AGBL1: variants seen among roughly 807,000 people sequenced by gnomAD.
AGBL1 encodes AGBL carboxypeptidase 1, also known as cytosolic carboxypeptidase 4.
In AGBL1, 130 loss-of-function variants were observed where a neutral mutation model predicts 118.9. The ratio of observed to expected loss-of-function variants is 1.09; its 90% CI spans 0.95 to 1.26. The LOEUF (loss-of-function observed/expected upper bound fraction) is 1.26. AGBL1 is among the 50% of genes most tolerant of loss of function. The pLI, the probability that AGBL1 is intolerant of heterozygous loss-of-function variation, is 0.00. For missense variants in AGBL1, 1,584 were observed against 1,298.1 expected (o/e 1.22, Z -3.38); for synonymous variants, 555 against 478.9 (o/e 1.16, Z -2.08).
At chr15:86,367,275 G>A (rs1373677303) in intron 17 of AGBL1, among the ~76,000 whole-genome samples, 2 of 152,170 alleles carry the variant, frequency 1.3e-5, no homozygotes, top group African/African-American at 4.8e-5. Context: ...CCTCTGTGTG[G>A]AATGTATTTT....
At chr15:86,364,958 C>CACACATATATAT (rs1474501613) in intron 17 of AGBL1, among the ~76,000 whole-genome samples, 11 of 76,136 alleles carry the variant, frequency 1.4e-4, no homozygotes, top group African/African-American at 2.7e-4. Context: ...ATATGTCACA[C>CACACATATATAT]ATATATATAT....
chr15:86,534,619 A>C (rs973561695), intron 19 of AGBL1, among the ~76,000 whole-genome samples: 1 of 152,182 alleles, frequency 6.6e-6, no homozygotes, highest in African/African-American at 2.4e-5. Context: ...TAGAGAGTCC[A>C]GATGTTAGAT....
chr15:86,682,890 G>T (rs750670088), intron 22 of AGBL1, among the ~76,000 whole-genome samples: 6 of 152,090 alleles, frequency 3.9e-5, no homozygotes, highest in African/African-American at 4.8e-5. Flanking sequence ...TGTAGTAGAT[G>T]CTTCCATTAA....
At chr15:86,714,948 T>C (rs1015846123) in intron 22 of AGBL1, among the ~76,000 whole-genome samples, 2 of 152,222 alleles carry the variant, frequency 1.3e-5, no homozygotes, top group African/African-American at 4.8e-5. Context: ...TTTAAATTTT[T>C]GGATTATTGA....
At chr15:86,988,785 G>A (rs1224610187) in intron 24 of AGBL1, among the ~76,000 whole-genome samples, 4 of 152,096 alleles carry the variant, frequency 2.6e-5, no homozygotes, top group Non-Finnish European at 5.9e-5. Context: ...ACATTTTGAT[G>A]ATTAATTTTA....
intron 18 of AGBL1, among the ~76,000 whole-genome samples, chr15:86,514,967 T>C (rs2881464): frequency 0.44 from 67,535 of 152,006 alleles, 16,018 homozygotes; most frequent in East Asian, 0.69. Context: ...GATTTTCCTC[T>C]TTTTTTACAT....
At chr15:86,950,623 C>T (rs1180374983) in intron 23 of AGBL1, among the ~76,000 whole-genome samples, 11 of 151,350 alleles carry the variant, frequency 7.3e-5, no homozygotes, top group Non-Finnish European at 1.3e-4. Context: ...CTATTAGAAA[C>T]CACTGGAGGA....
At chr15:86,584,829 C>G (rs1335113751) in intron 21 of AGBL1, among the ~76,000 whole-genome samples, 1 of 151,874 alleles carries the variant, frequency 6.6e-6, no homozygotes, top group East Asian at 1.9e-4. Flanking sequence ...GAATGTTTTC[C>G]CATTTGTTTG....
chr15:86,236,926 T>G (rs1436803787), intron 6 of AGBL1, among the ~76,000 whole-genome samples: 2 of 7,274 alleles, frequency 2.7e-4, no homozygotes, highest in Non-Finnish European at 4.9e-4. Flanking sequence ...CACGGGGATA[T>G]GTGGGCGGGG....
intron 9 of AGBL1, among the ~76,000 whole-genome samples, chr15:86,261,596 A>T (rs1219379630): frequency 6.6e-6 from 1 of 151,308 alleles, no homozygotes; most frequent in African/African-American, 2.4e-5. Context: ...AATGAAATAT[A>T]CTTGTAAAAC....
chr15:86,288,892 G>C (rs1485149739), intron 16 of AGBL1, among the ~76,000 whole-genome samples: 1 of 151,930 alleles, frequency 6.6e-6, no homozygotes, highest in Non-Finnish European at 1.5e-5. Context: ...AGATTTATGA[G>C]TTTTATATGT....
rs1006065538 is a variant in AGBL1, at chr15:86,910,860, C to T, written c.*3566C>T. ...GGGAAGAGGGGACTTGGGAGCAGAC[C>T]TCTCTCCTTTCCTGCTAGGACTGAA... On this transcript the variant is annotated 3_prime_UTR_variant, in exon 23 of 23. Transcript: ENST00000614907. The T allele has an allele frequency of 6.6e-6, 1 of 152,118 alleles. No individual in the cohort carries two copies. Among genetic ancestry groups the T allele is most frequent in the Non-Finnish European group, 1.5e-5 (1 of 68,048 alleles). The allele number at this position is 152,118 out of a possible 1,614,324, so 9.4% of individuals were successfully genotyped here.
chr15:86,114,416 T>G (rs1440058000), intron 1 of AGBL1, among the ~76,000 whole-genome samples: 1 of 152,112 alleles, frequency 6.6e-6, no homozygotes, highest in Non-Finnish European at 1.5e-5. Context: ...TGTGCCTGTC[T>G]GCAGAAGACA....
At chr15:86,906,465 T>G (rs2141591698) in intron 22 of AGBL1, among the ~76,000 whole-genome samples, 1 of 152,370 alleles carries the variant, frequency 6.6e-6, no homozygotes, top group African/African-American at 2.4e-5. Flanking sequence ...CCACTTACTC[T>G]GTCATTTGTT....
At chr15:86,756,326 AAT>A (rs1430742434) in intron 22 of AGBL1, among the ~76,000 whole-genome samples, 1 of 151,928 alleles carries the variant, frequency 6.6e-6, no homozygotes, top group African/African-American at 2.4e-5. Context: ...GTAATCTTCA[AAT>A]CCCTTTTCTA....
At chr15:86,441,663 C>T (rs1183518052) in intron 18 of AGBL1, among the ~76,000 whole-genome samples, 3 of 152,176 alleles carry the variant, frequency 2.0e-5, no homozygotes, top group Non-Finnish European at 2.9e-5. Flanking sequence ...ATTGTATCCC[C>T]GTTATTGGAA....
intron 5 of AGBL1, among the ~76,000 whole-genome samples, chr15:86,183,215 A>G (rs1435208914): frequency 6.6e-6 from 1 of 152,194 alleles, no homozygotes; most frequent in Non-Finnish European, 1.5e-5. Flanking sequence ...CCTGTTTCTC[A>G]GAACTGCTAA....
intron 22 of AGBL1, among the ~76,000 whole-genome samples, chr15:86,871,141 C>G (rs777012089): frequency 2.0e-5 from 3 of 152,130 alleles, no homozygotes; most frequent in Non-Finnish European, 4.4e-5. Context: ...ATCAGAAAAG[C>G]CGTTGTCATT....
intron 17 of AGBL1, among the ~76,000 whole-genome samples, chr15:86,349,932 C>A (rs2080599518): frequency 6.6e-6 from 1 of 152,134 alleles, no homozygotes. Flanking sequence ...AATAGTGAAC[C>A]TAGTTTATAG....
Sources: gnomAD v4.1 joint callset for allele counts (sites outside exome capture counted in the v4.1 genomes callset) on GRCh38, gnomAD v4.1.1 for gene constraint, MANE v1.5 for transcripts, NCBI Gene and HGNC (gene_info 2026-07-23, HGNC 2026-07-21) for gene names.